The following CYP2C8 variants were observed in gnomAD, a reference collection of about 807,000 sequenced individuals.
CYP2C8 encodes cytochrome P450 family 2 subfamily C member 8.
In CYP2C8, 51 loss-of-function variants were observed where a neutral mutation model predicts 41.3. That is an observed-to-expected ratio of 1.24 (90% CI 0.99 to 1.56). The LOEUF is 1.56. CYP2C8 is among the 40% of genes most tolerant of loss of function. The pLI is 0.00. For missense variants in CYP2C8, 651 were observed against 579.9 expected (o/e 1.12, Z -1.26); for synonymous variants, 218 against 205.8 (o/e 1.06, Z -0.51).
At chr10:95,066,141 A>AGTGT (rs1179955212) in intron 3 of CYP2C8, among the ~76,000 whole-genome samples, 11 of 111,254 alleles carry the variant, frequency 9.9e-5, no homozygotes, top group African/African-American at 3.8e-4. Context: ...AGAGAGAGAG[A>AGTGT]GAGAGAGAGA....
At chr10:95,061,980 TTTGA>T (rs1353966473) in intron 4 of CYP2C8, among the ~76,000 whole-genome samples, 1 of 152,202 alleles carries the variant, frequency 6.6e-6, no homozygotes, top group Non-Finnish European at 1.5e-5. Context: ...TGAGTTCTAG[TTTGA>T]TTGCGCTGTG....
At chr10:95,067,417 C>T (rs763144615) in intron 2 of CYP2C8, 60 bp from the exon 3 acceptor site, 93 of 1,613,430 alleles carry the variant, frequency 5.8e-5, no homozygotes, top group Non-Finnish European at 7.5e-5. Flanking sequence ...AGTGCTGCAA[C>T]ACTTGGCAGC....
intron 5 of CYP2C8, 39 bp from the exon 6 acceptor site, chr10:95,045,990 G>A (rs187313067): frequency 6.2e-6 from 10 of 1,609,804 alleles, no homozygotes; most frequent in Middle Eastern, 1.7e-4. Context: ...CAAATTATGT[G>A]CCAGTATATC....
At position 95,043,034 on chromosome 10, in the gene CYP2C8, C is replaced by T; in HGVS notation, c.1005G>A (p.Arg335=). Residue 335 remains arginine (R), a synonymous_variant, in exon 7 of 9, where the codon AGG becomes AGA. Coordinates refer to ENST00000371270, the MANE Select transcript of CYP2C8 (RefSeq NM_000770.3). ...GGCTCCTATCCTGCATGCAGGGGCT[C>T]CTGTGTCTGCCAATTACATGATCAA... ...EEIDHVIGRH[R]SPCMQDRSHM... The T allele has an allele frequency of 4.3e-6, 7 of 1,614,164 alleles. No individual in the cohort carries two copies. The highest frequency in any genetic ancestry group is 5.1e-6 in the Non-Finnish European group (6 of 1,180,024).
chr10:95,039,916 T>C (rs1298708253), intron 7 of CYP2C8, among the ~76,000 whole-genome samples: 2 of 152,204 alleles, frequency 1.3e-5, no homozygotes, highest in African/African-American at 2.4e-5. Context: ...AATCTGCCTC[T>C]AGAAAACAGT....
Position 95,067,320 on chromosome 10 carries a change from G to A in CYP2C8, c.369C>T (p.Ile123=), listed in dbSNP as rs2033591226. The A allele has an allele frequency of 6.2e-7, 1 of 1,613,942 alleles. No homozygotes were observed. The highest frequency in any genetic ancestry group is 1.7e-5 in the Admixed American group (1 of 59,972). Reference sequence around the variant, plus strand: ...GCAAGGTTGTGAGGGAGAAACGCCGGATCTCCTTCCATCTCTTTCCATTGC... The same window carrying A: ...GCAAGGTTGTGAGGGAGAAACGCCGAATCTCCTTCCATCTCTTTCCATTGC... ...ISSNGKRWKE[I]RRFSLTTLRN... The change falls in exon 3 of 9, where the codon ATC becomes ATT. Residue 123 remains isoleucine (I), a synonymous_variant. Coordinates refer to ENST00000371270, the MANE Select transcript of CYP2C8 (RefSeq NM_000770.3).
In CYP2C8 at chr10:95,067,682, CTT is replaced by C; in HGVS notation, c.176_177del (p.Lys59SerfsTer22). 3 of 1,614,110 alleles carry C rather than the reference CTT, an allele frequency of 1.9e-6. No individual in the cohort carries two copies. The highest frequency in any genetic ancestry group is 2.5e-6 in the Non-Finnish European group (3 of 1,180,022). The stretch of plus-strand genomic sequence containing the variant: ...TACACGGTGAACACAGGACCATAGA[CTT>C]TTGAGAACTGGGAAAGGAAATGCAA... ...DICKSFTNFS[K>X]VYGPVFTVYF... On this transcript the variant is annotated frameshift_variant, in exon 2 of 9. Coordinates refer to ENST00000371270, the MANE Select transcript of CYP2C8 (RefSeq NM_000770.3). LOFTEE classifies it high-confidence loss of function.
intron 4 of CYP2C8, among the ~76,000 whole-genome samples, chr10:95,061,002 C>A (rs2033416305): frequency 6.6e-6 from 1 of 152,142 alleles, no homozygotes; most frequent in Non-Finnish European, 1.5e-5. Context: ...CCCACTTGAT[C>A]GTGGTGGATA....
At chr10:95,067,481 C>A (rs745807384) in intron 2 of CYP2C8, 48 bp downstream of exon 2, 2 of 1,613,058 alleles carry the variant, frequency 1.2e-6, no homozygotes, top group Admixed American at 1.7e-5. Flanking sequence ...TGTTTTCCAT[C>A]CCCCTCACCC....
At chr10:95,063,758 A>G (rs1375245446) in intron 4 of CYP2C8, among the ~76,000 whole-genome samples, 1 of 151,996 alleles carries the variant, frequency 6.6e-6, no homozygotes, top group Non-Finnish European at 1.5e-5. Flanking sequence ...TTTTTCCCCC[A>G]TCTTTGTGCT....
At chr10:95,037,789 G>T (rs1361238316) in intron 8 of CYP2C8, among the ~76,000 whole-genome samples, 1 of 152,120 alleles carries the variant, frequency 6.6e-6, no homozygotes, top group Non-Finnish European at 1.5e-5. Context: ...AACACACCAT[G>T]AAGTTTCAAG....
At chr10:95,068,260 G>A (rs540467650) in intron 1 of CYP2C8, among the ~76,000 whole-genome samples, 1 of 148,534 alleles carries the variant, frequency 6.7e-6, no homozygotes, top group Non-Finnish European at 1.5e-5. Context: ...GTAACTGCTG[G>A]TATTACCAAT....
rs763058524 is a variant in CYP2C8, at chr10:95,067,720, A to G, written c.169-29T>C. 2.5e-6 allele frequency: 4 copies of G among 1,610,598 alleles called. No homozygotes were observed. In the African/African-American group the frequency reaches 5.3e-5, roughly 22 times the overall value. ...GGAAAGGAAATGCAAATAGCAGCAA[A>G]ATAAGTCGCTATTTGCTCCAAATAC... On this transcript the variant is annotated intron_variant, in intron 1 of 8. Transcript: ENST00000371270.
chr10:95,043,268 A>G (rs2033044006), intron 6 of CYP2C8, among the ~76,000 whole-genome samples, 191 bp from the exon 7 acceptor site: 1 of 152,220 alleles, frequency 6.6e-6, no homozygotes, highest in East Asian at 1.9e-4. Context: ...CCTACAAACT[A>G]GTCATTACAG....
At chr10:95,039,218 C>A in intron 7 of CYP2C8, 180 bp from the exon 8 acceptor site, 1 of 625,190 alleles carries the variant, frequency 1.6e-6, no homozygotes, top group Non-Finnish European at 2.9e-6. Flanking sequence ...AAGAGCTTTC[C>A]AATCACATTT....
intron 4 of CYP2C8, among the ~76,000 whole-genome samples, chr10:95,060,869 T>G (rs1225187378): frequency 2.6e-5 from 4 of 152,152 alleles, no homozygotes; most frequent in Non-Finnish European, 5.9e-5. Context: ...GTTGAATTTT[T>G]TAAAAGGCCT....
chr10:95,059,693 G>A (rs984057794), intron 4 of CYP2C8, among the ~76,000 whole-genome samples: 6 of 152,132 alleles, frequency 3.9e-5, no homozygotes, highest in African/African-American at 1.4e-4. Flanking sequence ...ATTGCTTTTG[G>A]TGTTTTAGAC....
Position 95,045,891 on chromosome 10 carries a change from G to A in CYP2C8, c.880C>T (p.Leu294=), listed in dbSNP as rs2033097998. ...IENLVGTVAD[L]FVAGTETTST... ...GTTGTCTCTGTTCCAGCAACAAATA[G>A]ATCAGCTACAGTGCCAACCAAGTTT... Residue 294 remains leucine, a synonymous_variant, in exon 6 of 9, where the codon CTA becomes TTA. Transcript: ENST00000371270. The A allele has an allele frequency of 6.2e-7, 1 of 1,614,052 alleles. No individual in the cohort carries two copies. The highest frequency in any genetic ancestry group is 8.5e-7 in the Non-Finnish European group (1 of 1,179,932).
At chr10:95,053,773 G>A (rs2033258241) in intron 5 of CYP2C8, among the ~76,000 whole-genome samples, 1 of 152,160 alleles carries the variant, frequency 6.6e-6, no homozygotes, top group Admixed American at 6.5e-5. Flanking sequence ...TGGGGGGTGG[G>A]GAGCAAGGGG....
Sources: gnomAD v4.1 joint callset for allele counts (sites outside exome capture counted in the v4.1 genomes callset) on GRCh38, gnomAD v4.1.1 for gene constraint, MANE v1.5 for transcripts, NCBI Gene and HGNC (gene_info 2026-07-23, HGNC 2026-07-21) for gene names.